PRPF18: variants seen among roughly 807,000 people sequenced by gnomAD.
PRPF18 encodes the protein pre-mRNA processing factor 18, also known as pre-mRNA-splicing factor 18.
In PRPF18, 38 loss-of-function variants were observed where a neutral mutation model predicts 46.5. The observed-to-expected ratio is 0.82, with a 90% CI of 0.63 to 1.07. The LOEUF is 1.07. Ranked by LOEUF, PRPF18 falls within the 50% of genes least tolerant of loss-of-function variation. The pLI, the probability that PRPF18 is intolerant of heterozygous loss-of-function variation, is 0.00. For synonymous variants in PRPF18, 152 were observed against 146.7 expected, an observed-to-expected ratio of 1.04 and a Z score of -0.26; for missense variants, 263 against 410.0, an observed-to-expected ratio of 0.64 and a Z score of 3.10.
rs770259325 is a variant in PRPF18 at position 13,616,385 on chromosome 10, A to G, written c.793-13A>G. ...TTTCGCCTTTCTGATTTCTTCTTAC[A>G]CTTTCCTTTCAGGCAAATGATGCTT... On this transcript the variant is annotated splice_polypyrimidine_tract_variant and intron_variant, in intron 8 of 9. Transcript: ENST00000378572. The G allele has an allele frequency of 6.3e-7, 1 of 1,597,598 alleles. No individual in the cohort carries two copies. The highest frequency in any genetic ancestry group is 2.2e-5 in the East Asian group (1 of 44,612).
chr10:13,607,486 A>C (rs1174508853), intron 4 of PRPF18, among the ~76,000 whole-genome samples: 1 of 151,608 alleles, frequency 6.6e-6, no homozygotes, highest in East Asian at 2.0e-4. Flanking sequence ...GATCATGGCT[A>C]ACTGCAACCT....
At position 13,587,040 on chromosome 10, in the gene PRPF18, T is replaced by G; in HGVS notation, c.-47T>G. ...CGGCCGCCGGCCCAGTGAGGCTGGG[T>G]TCGAGGAGCTGGAGCGGGAAACTGG... On this transcript the variant is annotated 5_prime_UTR_variant, in exon 1 of 10. Transcript: ENST00000378572. The G allele has an allele frequency of 6.3e-7, 1 of 1,595,316 alleles. No homozygotes were observed. Among genetic ancestry groups the G allele is most frequent in the Non-Finnish European group, 8.6e-7 (1 of 1,162,964 alleles).
chr10:13,598,526 GTA>G (rs1406691503), intron 2 of PRPF18, among the ~76,000 whole-genome samples: 2 of 152,036 alleles, frequency 1.3e-5, no homozygotes, highest in Admixed American at 1.3e-4. Flanking sequence ...GAGAAGACAA[GTA>G]TTAAAGAAAA....
intron 5 of PRPF18, 151 bp downstream of exon 5, chr10:13,610,336 T>A (rs2080252765): frequency 1.1e-6 from 1 of 880,058 alleles, no homozygotes; most frequent in East Asian, 2.8e-5. Context: ...TTTACTCCCC[T>A]TTTTCTCATC....
chr10:13,632,197 C>T (rs913791660), downstream of PRPF18, among the ~76,000 whole-genome samples: 16 of 152,038 alleles, frequency 1.1e-4, no homozygotes, highest in Non-Finnish European at 1.3e-4. Context: ...AAAAATTAGC[C>T]GGGCATGGTG....
chr10:13,589,262 C>A (rs2079922362), intron 1 of PRPF18, among the ~76,000 whole-genome samples: 1 of 152,176 alleles, frequency 6.6e-6, no homozygotes, highest in South Asian at 2.1e-4. Flanking sequence ...GTCTGAAGAA[C>A]CATGGTTTGC....
At chr10:13,628,751 G>A (rs535066332) in intron 9 of PRPF18, among the ~76,000 whole-genome samples, 3 of 152,220 alleles carry the variant, frequency 2.0e-5, no homozygotes, top group South Asian at 2.1e-4. Context: ...GTTAAGTTAC[G>A]TAGATTTCAG....
chr10:13,620,822 T>G (rs78399139), intron 9 of PRPF18, among the ~76,000 whole-genome samples: 5,755 of 152,334 alleles, frequency 0.038, 324 homozygotes, highest in African/African-American at 0.12. Context: ...CTGTAGAACT[T>G]AAACAATGAA....
At chr10:13,594,225 C>A (rs1024860412) in intron 1 of PRPF18, among the ~76,000 whole-genome samples, 1 of 152,128 alleles carries the variant, frequency 6.6e-6, no homozygotes, top group Non-Finnish European at 1.5e-5. Context: ...ACTATATTTG[C>A]GAAAACAAAC....
chr10:13,652,200 C>A, the PRPF18 span: 1 of 580,208 alleles, frequency 1.7e-6, no homozygotes, highest in Non-Finnish European at 3.1e-6. Context: ...TTACCCATGG[C>A]CTCATTTTGT....
Position 13,630,298 on chromosome 10 carries a change from T to C in PRPF18, c.987T>C (p.Phe329=). The change falls in exon 10 of 10, where the codon TTT becomes TTC. Residue 329 remains phenylalanine, a synonymous_variant. Transcript: ENST00000378572. ...TAATGACCATTTGCCAGAAACACTT[T>C]CCTACAGACCCATCCAAATGTGTGG... ...KRLMTICQKH[F]PTDPSKCVEY... 5 of 1,612,858 alleles carry C rather than the reference T, an allele frequency of 3.1e-6. No homozygotes were observed. The highest frequency in any genetic ancestry group is 4.2e-6 in the Non-Finnish European group (5 of 1,178,842).
At chr10:13,655,327 C>T in the PRPF18 span, 5 of 152,116 alleles carry the variant, frequency 3.3e-5, no homozygotes, top group Non-Finnish European at 7.3e-5. Flanking sequence ...AGAACATAAA[C>T]CCTCCTGTTT....
At chr10:13,587,228 C>A in intron 1 of PRPF18, 76 bp downstream of exon 1, 1 of 1,462,086 alleles carries the variant, frequency 6.8e-7, no homozygotes, top group Non-Finnish European at 9.5e-7. Flanking sequence ...GTGAGGGTGA[C>A]GATACTCAGA....
At chr10:13,635,203 T>C (rs948560775), downstream of PRPF18, among the ~76,000 whole-genome samples, 3 of 152,242 alleles carry the variant, frequency 2.0e-5, no homozygotes, top group Non-Finnish European at 4.4e-5. Flanking sequence ...GCTCCATCCA[T>C]GTCCCTGCAG....
intron 5 of PRPF18, among the ~76,000 whole-genome samples, chr10:13,610,675 T>C (rs2080257219): frequency 6.6e-6 from 1 of 152,202 alleles, no homozygotes; most frequent in African/African-American, 2.4e-5. Flanking sequence ...AGCTAGATTG[T>C]TCCCAGCTCT....
intron 9 of PRPF18, among the ~76,000 whole-genome samples, chr10:13,622,998 A>G (rs1377326071): frequency 1.3e-5 from 2 of 152,160 alleles, no homozygotes; most frequent in African/African-American, 4.8e-5. Context: ...GGAGATGGAG[A>G]CCATCCTGGC....
intron 9 of PRPF18, among the ~76,000 whole-genome samples, chr10:13,628,886 G>A (rs577400172): frequency 7.2e-5 from 11 of 152,298 alleles, no homozygotes; most frequent in South Asian, 6.2e-4. Context: ...GAGCTCAATC[G>A]TGGTGTGTCT....
intron 8 of PRPF18, among the ~76,000 whole-genome samples, chr10:13,615,021 C>T (rs1474635008): frequency 6.6e-6 from 1 of 152,214 alleles, no homozygotes; most frequent in Non-Finnish European, 1.5e-5. Flanking sequence ...TGATTAGAGC[C>T]TTAGGCTAAA....
At chr10:13,605,597 A>G (rs1169697314) in intron 3 of PRPF18, 34 bp from the exon 4 acceptor site, 1 of 1,531,274 alleles carries the variant, frequency 6.5e-7, no homozygotes, top group East Asian at 2.3e-5. Context: ...AAAAAAAAAA[A>G]AAAAATTTAC....
Sources: allele counts gnomAD v4.1 joint callset (sites outside exome capture counted in the v4.1 genomes callset), GRCh38; gene constraint gnomAD v4.1.1; transcripts MANE v1.5; gene names NCBI Gene and HGNC (gene_info 2026-07-23, HGNC 2026-07-21).